MCMDC2: variants seen among roughly 807,000 people sequenced by gnomAD.
The protein encoded by MCMDC2 is minichromosome maintenance domain containing 2.
Under a neutral mutation model 75.8 loss-of-function variants are expected in MCMDC2, and 54 were observed. The ratio of observed to expected loss-of-function variants is 0.71; its 90% CI spans 0.57 to 0.89. The LOEUF (loss-of-function observed/expected upper bound fraction) is 0.89, where lower values mean the gene tolerates loss of function less well. Among genes scored for constraint, MCMDC2 ranks in the 40% least tolerant of loss-of-function variants. MCMDC2 has a pLI of 0.00. For synonymous variants in MCMDC2, 249 were observed against 274.6 expected, an observed-to-expected ratio of 0.91 and a Z score of 0.92; for missense variants, 656 against 780.4, an observed-to-expected ratio of 0.84 and a Z score of 1.90.
chr8:66,910,371 C>T (rs917632026), intron 14 of MCMDC2, among the ~76,000 whole-genome samples: 1 of 152,226 alleles, frequency 6.6e-6, no homozygotes, highest in Non-Finnish European at 1.5e-5. Flanking sequence ...AGACACTCAA[C>T]ACCAGCCTGT....
At chr8:66,893,354 G>T (rs1408620344) in intron 10 of MCMDC2, among the ~76,000 whole-genome samples, 1 of 152,078 alleles carries the variant, frequency 6.6e-6, no homozygotes, top group Non-Finnish European at 1.5e-5. Context: ...ACAAAAAAAA[G>T]CAATAAAAGC....
intron 9 of MCMDC2, among the ~76,000 whole-genome samples, chr8:66,889,661 C>T (rs568187403): frequency 2.6e-5 from 4 of 152,014 alleles, no homozygotes; most frequent in Non-Finnish European, 2.9e-5. Flanking sequence ...GAGCCAGGCA[C>T]GGTGGCTTGT....
intron 9 of MCMDC2, among the ~76,000 whole-genome samples, chr8:66,885,612 G>T (rs376968061): frequency 6.9e-6 from 1 of 145,958 alleles, no homozygotes. Context: ...AGATTGGTTT[G>T]TTTTTTTCTT....
chr8:66,901,599 A>G (rs1405312302), intron 13 of MCMDC2: 1 of 1,150,618 alleles, frequency 8.7e-7, no homozygotes, highest in Admixed American at 4.7e-5. Flanking sequence ...ATGTCTGGGA[A>G]AAGTGCACTG....
Position 66,905,256 on chromosome 8 carries a change from G to A in MCMDC2, c.1800G>A (p.Leu600=). 2.7e-6 allele frequency: 4 copies of A among 1,495,154 alleles called. No homozygotes were observed. Among genetic ancestry groups the A allele is most frequent in the Non-Finnish European group, 3.6e-6 (4 of 1,119,424 alleles). 92.6% of individuals were successfully genotyped at this position (1,495,154 alleles called of 1,614,324 possible). Residue 600 remains leucine, a synonymous_variant, in exon 14 of 15, where the codon CTG becomes CTA. Coordinates refer to ENST00000422365, the MANE Select transcript of MCMDC2 (RefSeq NM_173518.5). ...LVFLSEAHAR[L]NLRNKVLKED... ...TCCTATCTGAAGCCCATGCACGACTGAACTTAAGGAACAAAGTGCTTAAAG... is the reference window on the plus strand; with the variant it reads ...TCCTATCTGAAGCCCATGCACGACTAAACTTAAGGAACAAAGTGCTTAAAG...
At chr8:66,904,496 C>G (rs1315566563) in intron 13 of MCMDC2, among the ~76,000 whole-genome samples, 5 of 152,034 alleles carry the variant, frequency 3.3e-5, no homozygotes, top group Non-Finnish European at 7.4e-5. Flanking sequence ...TTTCAAATGC[C>G]TTTACTTATC....
intron 7 of MCMDC2, among the ~76,000 whole-genome samples, 196 bp from the exon 8 acceptor site, chr8:66,880,653 T>C (rs534466292): frequency 5.3e-5 from 8 of 152,320 alleles, no homozygotes; most frequent in African/African-American, 1.9e-4. Context: ...CACATAAGAA[T>C]AAAAATTTAT....
At chr8:66,877,266 C>A in intron 4 of MCMDC2, 83 bp from the exon 5 acceptor site, 1 of 840,974 alleles carries the variant, frequency 1.2e-6, no homozygotes. Context: ...ACTTGACTTT[C>A]TTTATAATAT....
At chr8:66,912,763 C>T (rs1813165765) in intron 14 of MCMDC2, among the ~76,000 whole-genome samples, 1 of 152,130 alleles carries the variant, frequency 6.6e-6, no homozygotes, top group African/African-American at 2.4e-5. Context: ...GGGAGGGGAA[C>T]ATCACACACC....
intron 7 of MCMDC2, among the ~76,000 whole-genome samples, chr8:66,879,120 AGATGT>A (rs1811439206): frequency 6.6e-6 from 1 of 151,978 alleles, no homozygotes; most frequent in South Asian, 2.1e-4. Flanking sequence ...AAAATTAGCT[AGATGT>A]GGTGGCATGT....
intron 7 of MCMDC2, among the ~76,000 whole-genome samples, chr8:66,879,186 G>A (rs1811442215): frequency 2.0e-5 from 3 of 152,232 alleles, no homozygotes; most frequent in South Asian, 2.1e-4. Context: ...TGGGAGGATC[G>A]CCTAAGCCCA....
chr8:66,885,752 C>T (rs932310584), intron 9 of MCMDC2, among the ~76,000 whole-genome samples: 2 of 152,090 alleles, frequency 1.3e-5, no homozygotes, highest in African/African-American at 2.4e-5. Flanking sequence ...TTTCTATCAC[C>T]CCAGAAATTT....
Position 66,920,847 on chromosome 8 carries a change from A to G in MCMDC2, c.*1678A>G, listed in dbSNP as rs1009921797. ...GCTACCACCCTGGGATAACTTCTGC[A>G]TTTTTTGTAGAGATGGAATTTTGCC... On this transcript the variant is annotated 3_prime_UTR_variant, in exon 15 of 15. Transcript: ENST00000422365. 2 of 152,010 alleles carry G rather than the reference A, an allele frequency of 1.3e-5. No individual in the cohort carries two copies. Among genetic ancestry groups the G allele is most frequent in the African/African-American group, 4.8e-5 (2 of 41,378 alleles). 9.4% of individuals were successfully genotyped at this position (152,010 alleles called of 1,614,324 possible).
intron 14 of MCMDC2, among the ~76,000 whole-genome samples, chr8:66,913,688 G>A (rs55908156): frequency 0.018 from 2,789 of 152,178 alleles, 88 homozygotes; most frequent in African/African-American, 0.062. Flanking sequence ...CACATGGGCC[G>A]GGCGCAGTGG....
In MCMDC2 at chr8:66,901,394, TG is replaced by T. The variant is rs766495113; in HGVS notation, c.1769+47del. 2.5e-6 allele frequency: 4 copies of T among 1,576,158 alleles called. No homozygotes were observed. In the East Asian group the frequency reaches 9.0e-5, roughly 36 times the overall value. On this transcript the variant is annotated intron_variant, in intron 13 of 14. Coordinates refer to ENST00000422365, the MANE Select transcript of MCMDC2 (RefSeq NM_173518.5). ...TTTAAAATCAGCATTGAGTTTCAAATGATATGTTTAATTAAATTGCTAATTT... is the reference window on the plus strand; with the variant it reads ...TTTAAAATCAGCATTGAGTTTCAAATATATGTTTAATTAAATTGCTAATTT...
intron 9 of MCMDC2, among the ~76,000 whole-genome samples, chr8:66,886,786 A>AAAAG (rs1554527928): frequency 2.0e-4 from 30 of 152,056 alleles, no homozygotes; most frequent in African/African-American, 6.0e-4. Context: ...AAAAAAAAAA[A>AAAAG]AAAGAAAGAA....
chr8:66,876,516 C>T (rs1811290190), intron 4 of MCMDC2, among the ~76,000 whole-genome samples: 1 of 151,904 alleles, frequency 6.6e-6, no homozygotes, highest in Non-Finnish European at 1.5e-5. Flanking sequence ...ACTGGGGGTC[C>T]CTTCAAGGTT....
chr8:66,882,768 T>G (rs539212412), intron 8 of MCMDC2, among the ~76,000 whole-genome samples: 2 of 152,326 alleles, frequency 1.3e-5, no homozygotes, highest in South Asian at 2.1e-4. Context: ...TCTACTTACT[T>G]GAAGAGAAAA....
chr8:66,892,448 C>A (rs1166982181), intron 10 of MCMDC2, among the ~76,000 whole-genome samples: 4 of 152,218 alleles, frequency 2.6e-5, no homozygotes, highest in Non-Finnish European at 5.9e-5. Context: ...ATGTGGACAA[C>A]TGGAGGGTGA....
Sources: allele counts gnomAD v4.1 joint callset (sites outside exome capture counted in the v4.1 genomes callset), GRCh38; gene constraint gnomAD v4.1.1; transcripts MANE v1.5; gene names NCBI Gene and HGNC (gene_info 2026-07-23, HGNC 2026-07-21).